The following GSDMC variants were observed in gnomAD, a reference collection of about 807,000 sequenced individuals.
GSDMC encodes gasdermin C, also known as gasdermin-C.
GSDMC carries 59 observed loss-of-function variants against 58.0 expected under a neutral mutation model. That is an observed-to-expected ratio of 1.02 (90% CI 0.82 to 1.26). The LOEUF (loss-of-function observed/expected upper bound fraction) is 1.26, where lower values mean the gene tolerates loss of function less well. GSDMC is among the 50% of genes most tolerant of loss of function. GSDMC has a pLI of 0.00. For synonymous variants in GSDMC, 241 were observed against 220.2 expected (o/e 1.09, Z -0.83); for missense variants, 659 against 598.5 (o/e 1.10, Z -1.06).
At chr8:129,712,161 G>A in the GSDMC span, among the ~76,000 whole-genome samples, 2 of 152,146 alleles carry the variant, frequency 1.3e-5, no homozygotes, top group South Asian at 2.1e-4. Flanking sequence ...GGCTTTGGGG[G>A]ATAGAATGCA....
the GSDMC span, among the ~76,000 whole-genome samples, chr8:129,712,814 T>C: frequency 2.0e-5 from 3 of 152,212 alleles, no homozygotes; most frequent in Non-Finnish European, 4.4e-5. Flanking sequence ...CTAGAGTTTC[T>C]TAAAACTCTC....
At chr8:129,729,955 C>T in the GSDMC span, 34 of 1,508,144 alleles carry the variant, frequency 2.3e-5, no homozygotes, top group Middle Eastern at 1.2e-3. Context: ...AGTGGAGCTG[C>T]GGGGGCAGCA....
intron 1 of GSDMC, among the ~76,000 whole-genome samples, chr8:129,782,170 A>T (rs569590637): frequency 1.3e-5 from 2 of 152,218 alleles, no homozygotes; most frequent in Admixed American, 6.5e-5. Flanking sequence ...CTTGACACAA[A>T]TGATAATGCA....
At position 129,748,535 on chromosome 8, in the gene GSDMC, G is replaced by C. The variant is rs2033030410; in HGVS notation, c.1493C>G (p.Thr498Ser). ...AKMPLSALYG[T>S]LSLLQQLAEA ...AGCCAGCTGCTGCAGCAACGAGAGA[G>C]TCCCATAGAGGGCAGACAGGGGCAT... The change falls in exon 14 of 14, where the codon ACT becomes AGT. Residue 498 changes from threonine to serine, a missense_variant. Physicochemically the swap from Thr to Ser is moderately conservative, Grantham distance 58 (BLOSUM62 1). Transcript: ENST00000276708. 6.2e-7 allele frequency: 1 copy of C among 1,612,330 alleles called. No individual in the cohort carries two copies. Among genetic ancestry groups the C allele is most frequent in the Non-Finnish European group, 8.5e-7 (1 of 1,179,226 alleles).
chr8:129,738,304 C>G, the GSDMC span, among the ~76,000 whole-genome samples: 26,224 of 152,156 alleles, frequency 0.17, 2,689 homozygotes, highest in Non-Finnish European at 0.23. Context: ...GATCCCATTA[C>G]TGGGTATATA....
the GSDMC span, among the ~76,000 whole-genome samples, chr8:129,741,913 G>GT: frequency 7.4e-5 from 5 of 67,374 alleles, no homozygotes; most frequent in African/African-American, 5.8e-4. Flanking sequence ...TAAAGAAAAT[G>GT]TAATATATAT....
the GSDMC span, among the ~76,000 whole-genome samples, chr8:129,742,703 G>A: frequency 6.6e-6 from 1 of 152,082 alleles, no homozygotes; most frequent in South Asian, 2.1e-4. Context: ...GCAATCAGAG[G>A]GCTCACCTTG....
At chr8:129,763,094 G>A (rs1270934085) in intron 4 of GSDMC, among the ~76,000 whole-genome samples, 3 of 151,940 alleles carry the variant, frequency 2.0e-5, no homozygotes, top group Admixed American at 6.6e-5. Context: ...TTATACTTGG[G>A]GAAAACTGCT....
intron 3 of GSDMC, among the ~76,000 whole-genome samples, chr8:129,767,617 ACTGAGTAGCC>A (rs1303891062): frequency 6.6e-6 from 1 of 152,126 alleles, no homozygotes; most frequent in Non-Finnish European, 1.5e-5. Flanking sequence ...CATGGAGCAA[ACTGAGTAGCC>A]CTACCTGGAT....
At chr8:129,748,182 T>G (rs534595369), downstream of GSDMC, 96 of 184,576 alleles carry the variant, frequency 5.2e-4, no homozygotes, top group African/African-American at 2.1e-3. Flanking sequence ...CAATTCAAAA[T>G]GCACACCATT....
the GSDMC span, among the ~76,000 whole-genome samples, chr8:129,713,494 T>G: frequency 6.6e-6 from 1 of 152,040 alleles, no homozygotes. Context: ...CCAAACACTC[T>G]GGGTGTGGTG....
At position 129,776,009 on chromosome 8, in the gene GSDMC, C is replaced by T. The variant is rs2034210546; in HGVS notation, c.404+93G>A. ...GCTGTCATCATCTTGATTTTCATCC[C>T]TACAACAAGACTTGCTAGATGTATT... On this transcript the variant is annotated intron_variant, in intron 3 of 13. Transcript: ENST00000276708. The T allele has an allele frequency of 8.0e-6, 8 of 1,000,922 alleles. 1 individual carries two copies. Among genetic ancestry groups the T allele is most frequent in the African/African-American group, 3.3e-5 (2 of 61,510 alleles). The allele number at this position is 1,000,922 out of a possible 1,614,324, so 62.0% of individuals were successfully genotyped here. A position where few individuals can be genotyped will look rare whatever the true frequency, so the allele number is the denominator to read the frequency against.
chr8:129,713,297 A>T, the GSDMC span, among the ~76,000 whole-genome samples: 75 of 152,288 alleles, frequency 4.9e-4, no homozygotes, highest in African/African-American at 1.8e-3. Context: ...CTGTTTTCAA[A>T]GGTGATGTGA....
chr8:129,742,430 C>CA, the GSDMC span, among the ~76,000 whole-genome samples: 2 of 152,116 alleles, frequency 1.3e-5, no homozygotes, highest in Admixed American at 1.3e-4. Context: ...ATTTTAGAAA[C>CA]AAAAAATCTG....
chr8:129,784,934 T>G (rs1381742686), intron 1 of GSDMC, among the ~76,000 whole-genome samples: 2 of 152,184 alleles, frequency 1.3e-5, no homozygotes, highest in South Asian at 2.1e-4. Context: ...TGAGATTGGC[T>G]GGGTGCGGTG....
At chr8:129,774,960 T>TA (rs768566797) in intron 3 of GSDMC, among the ~76,000 whole-genome samples, 4 of 152,224 alleles carry the variant, frequency 2.6e-5, no homozygotes, top group African/African-American at 4.8e-5. Flanking sequence ...CCTTGTATGC[T>TA]ATTAGTGGGA....
At chr8:129,731,684 C>T in the GSDMC span, among the ~76,000 whole-genome samples, 1 of 152,228 alleles carries the variant, frequency 6.6e-6, no homozygotes, top group African/African-American at 2.4e-5. Flanking sequence ...CCACTAACAT[C>T]GAGGAGGGCA....
the GSDMC span, among the ~76,000 whole-genome samples, chr8:129,712,067 G>A: frequency 2.6e-5 from 4 of 152,018 alleles, no homozygotes; most frequent in Non-Finnish European, 4.4e-5. Flanking sequence ...GGCCTGCCTG[G>A]GCACCATAGC....
intron 13 of GSDMC, among the ~76,000 whole-genome samples, 161 bp downstream of exon 13, chr8:129,749,291 C>T (rs1206322841): frequency 6.6e-6 from 1 of 152,156 alleles, no homozygotes; most frequent in Non-Finnish European, 1.5e-5. Context: ...ACCAGGTCTC[C>T]AGAAGGACAC....
Sources: allele counts gnomAD v4.1 joint callset (sites outside exome capture counted in the v4.1 genomes callset), GRCh38; gene constraint gnomAD v4.1.1; transcripts MANE v1.5; gene names NCBI Gene and HGNC (gene_info 2026-07-23, HGNC 2026-07-21).